The following SORBS2 variants were observed in gnomAD, a reference collection of about 807,000 sequenced individuals.
The protein encoded by SORBS2 is sorbin and SH3 domain-containing protein 2.
Under a neutral mutation model 97.7 loss-of-function variants are expected in SORBS2, and 46 were observed. That is an observed-to-expected ratio of 0.47 (90% confidence interval 0.37 to 0.60). SORBS2 has a LOEUF of 0.60. Among genes scored for constraint, SORBS2 ranks in the 20% least tolerant of loss-of-function variants. The pLI is 0.00. For missense variants in SORBS2, 1,316 were observed against 1,282.3 expected (o/e 1.03, Z -0.40); for synonymous variants, 476 against 473.4 (o/e 1.01, Z -0.07).
Position 185,909,136 on chromosome 4 carries a change from T to C in SORBS2, c.-338+47060A>G, listed in dbSNP as rs554133123. On this transcript the variant is annotated intron_variant, in intron 1 of 20. Transcript: ENST00000284776. Reference sequence around the variant, plus strand: ...AGCAGTACTCACAATGGCAAAGATATGGAATCAACCTAAGTGTCCATCAAC... The same window carrying C: ...AGCAGTACTCACAATGGCAAAGATACGGAATCAACCTAAGTGTCCATCAAC... Among the ~76,000 whole-genome samples, 108 of 152,326 alleles carry C rather than the reference T, an allele frequency of 7.1e-4. 1 individual carries two copies. In the South Asian group the frequency reaches 7.2e-3, roughly 10 times the overall value.
intron 1 of SORBS2, among the ~76,000 whole-genome samples, chr4:185,861,242 G>A (rs527508778): frequency 1.7e-4 from 26 of 150,554 alleles, no homozygotes; most frequent in East Asian, 2.0e-4. Context: ...TGGCCTGAAC[G>A]AATGTTTTCA....
chr4:185,686,977 A>G (rs951998463), intron 2 of SORBS2, among the ~76,000 whole-genome samples: 4 of 152,234 alleles, frequency 2.6e-5, no homozygotes. Flanking sequence ...TGATGACATC[A>G]TATTTTGGAA....
At chr4:185,604,170 G>A (rs867031849) in intron 12 of SORBS2, among the ~76,000 whole-genome samples, 1 of 152,192 alleles carries the variant, frequency 6.6e-6, no homozygotes, top group Admixed American at 6.5e-5. Flanking sequence ...TAGCTGCTAT[G>A]CAAATATGTC....
intron 12 of SORBS2, 195 bp from the exon 25 acceptor site, chr4:185,594,130 CA>C: frequency 3.6e-6 from 2 of 552,982 alleles, no homozygotes; most frequent in Non-Finnish European, 6.4e-6. Context: ...TAAATTAAAG[CA>C]AAATAAGCAA....
intron 1 of SORBS2, among the ~76,000 whole-genome samples, chr4:185,855,280 A>G (rs2099220153): frequency 6.6e-6 from 1 of 152,152 alleles, no homozygotes; most frequent in Non-Finnish European, 1.5e-5. Context: ...GGGTAAATTT[A>G]CCTTCAACTA....
intron 1 of SORBS2, among the ~76,000 whole-genome samples, chr4:185,655,923 T>G (rs957881215): frequency 6.6e-6 from 1 of 152,208 alleles, no homozygotes; most frequent in Non-Finnish European, 1.5e-5. Flanking sequence ...TATAACTACA[T>G]AGAATCAGGG....
At chr4:185,818,478 C>T (rs1000002536) in intron 1 of SORBS2, among the ~76,000 whole-genome samples, 10 of 152,148 alleles carry the variant, frequency 6.6e-5, no homozygotes, top group South Asian at 2.1e-4. Flanking sequence ...CATGAGCCAC[C>T]GTGCCCAGCA....
At chr4:185,716,684 G>A (rs2098467874) in intron 2 of SORBS2, among the ~76,000 whole-genome samples, 1 of 152,328 alleles carries the variant, frequency 6.6e-6, no homozygotes, top group Admixed American at 6.5e-5. Context: ...ACAGATGGTG[G>A]AGTAAAATCT....
At chr4:185,854,561 C>T (rs2099219650) in intron 1 of SORBS2, among the ~76,000 whole-genome samples, 1 of 152,110 alleles carries the variant, frequency 6.6e-6, no homozygotes, top group African/African-American at 2.4e-5. Flanking sequence ...GGTTCTTTGT[C>T]AAAAGATGAC....
At chr4:185,857,744 C>A (rs1304187046) in intron 1 of SORBS2, among the ~76,000 whole-genome samples, 1 of 152,132 alleles carries the variant, frequency 6.6e-6, no homozygotes, top group Non-Finnish European at 1.5e-5. Flanking sequence ...CTGTCTTATA[C>A]GGTTGAGATA....
intron 12 of SORBS2, among the ~76,000 whole-genome samples, chr4:185,600,548 A>G (rs1418430624): frequency 6.6e-6 from 1 of 152,156 alleles, no homozygotes; most frequent in African/African-American, 2.4e-5. Flanking sequence ...CATGTTGGTC[A>G]GGCTGGTCTT....
chr4:185,603,781 T>C (rs1360828185), intron 12 of SORBS2, among the ~76,000 whole-genome samples: 1 of 152,232 alleles, frequency 6.6e-6, no homozygotes, highest in Non-Finnish European at 1.5e-5. Flanking sequence ...GTTAAAATAA[T>C]TTTTTAAAAA....
At chr4:185,655,849 T>C (rs949357734) in intron 1 of SORBS2, among the ~76,000 whole-genome samples, 5 of 152,224 alleles carry the variant, frequency 3.3e-5, no homozygotes, top group African/African-American at 9.6e-5. Flanking sequence ...ATGTCCATTA[T>C]ATATCATTTA....
intron 1 of SORBS2, among the ~76,000 whole-genome samples, chr4:185,814,032 T>A (rs1585236444): frequency 6.6e-6 from 1 of 152,264 alleles, no homozygotes; most frequent in African/African-American, 2.4e-5. Context: ...CTGGCTGGTG[T>A]GAAATCTGTG....
intron 4 of SORBS2, among the ~76,000 whole-genome samples, chr4:185,670,296 GCGTTT>G (rs1171144184): frequency 6.6e-6 from 1 of 152,034 alleles, no homozygotes; most frequent in African/African-American, 2.4e-5. Flanking sequence ...TTAATAACGT[GCGTTT>G]CAACTTTTCA....
chr4:185,607,086 A>T lies in SORBS2; in HGVS notation c.2796+4694T>A. 9.4e-7 allele frequency: 1 copy of T among 1,059,926 alleles called. No individual in the cohort carries two copies. The highest frequency in any genetic ancestry group is 1.7e-5 in the African/African-American group (1 of 58,082). 65.7% of individuals were successfully genotyped at this position (1,059,926 alleles called of 1,614,324 possible). ...TCGCTGGGGACAATGGGAGGAGGAC[A>T]GCAGGTTCCTCCTTAATTTCCAGGA... On this transcript the variant is annotated intron_variant, in intron 12 of 14. Transcript: ENST00000418609. This position sits in a 1 kb window ranked among gnomAD's most constrained non-coding sequence, Gnocchi z 5.2.
intron 13 of SORBS2, among the ~76,000 whole-genome samples, chr4:185,590,770 G>A (rs1043624706): frequency 3.3e-5 from 5 of 152,144 alleles, no homozygotes; most frequent in Non-Finnish European, 5.9e-5. Flanking sequence ...AAATGAAGGC[G>A]AAATTACTGT....
chr4:185,848,029 C>T (rs1340104147), intron 1 of SORBS2, among the ~76,000 whole-genome samples: 2 of 152,098 alleles, frequency 1.3e-5, no homozygotes, highest in African/African-American at 4.8e-5. Flanking sequence ...CAAATTTGTC[C>T]CCAGGTCATG....
intron 2 of SORBS2, among the ~76,000 whole-genome samples, chr4:185,705,555 T>C (rs1312755681): frequency 5.9e-5 from 9 of 151,844 alleles, no homozygotes; most frequent in Non-Finnish European, 5.9e-5. Flanking sequence ...AAAAAATATA[T>C]ATAAAATCAA....
Sources: allele counts gnomAD v4.1 joint callset (sites outside exome capture counted in the v4.1 genomes callset), GRCh38; gene constraint gnomAD v4.1.1; non-coding constraint Gnocchi (gnomAD v3.1); transcripts MANE v1.5; gene names NCBI Gene and HGNC (gene_info 2026-07-23, HGNC 2026-07-21).